Variants in SLC13A1 observed in about 807,000 individuals in gnomAD.
SLC13A1 encodes the protein solute carrier family 13 member 1.
In SLC13A1, 65 loss-of-function variants were observed where a neutral mutation model predicts 70.0. The ratio of observed to expected loss-of-function variants is 0.93; its 90% confidence interval spans 0.76 to 1.14. The LOEUF (loss-of-function observed/expected upper bound fraction) is 1.14. Ranked by LOEUF, SLC13A1 falls within the 50% of genes most tolerant of loss-of-function variation. The probability of loss-of-function intolerance (pLI) is 0.00; values close to 1 mark genes in which losing one functional copy is unlikely to be tolerated. For missense variants in SLC13A1, 726 were observed against 717.8 expected, an observed-to-expected ratio of 1.01 and a Z score of -0.13; for synonymous variants, 275 against 250.5, an observed-to-expected ratio of 1.10 and a Z score of -0.92.
At chr7:123,143,594 A>G (rs1437175409) in intron 7 of SLC13A1, among the ~76,000 whole-genome samples, 2 of 152,150 alleles carry the variant, frequency 1.3e-5, no homozygotes, top group East Asian at 1.9e-4. Context: ...TGCCACTGCC[A>G]GGGAATGAGG....
intron 7 of SLC13A1, among the ~76,000 whole-genome samples, chr7:123,135,349 C>A (rs1260442993): frequency 6.6e-6 from 1 of 151,970 alleles, no homozygotes. Flanking sequence ...TAAATAAATT[C>A]TTATATAGTC....
At chr7:123,178,033 C>CTCTCTCTCTCTCTATATATATATATA (rs761704605) in intron 2 of SLC13A1, among the ~76,000 whole-genome samples, 10 of 150,040 alleles carry the variant, frequency 6.7e-5, no homozygotes, top group African/African-American at 2.5e-4. Flanking sequence ...CTCTCTCTCT[C>CTCTCTCTCTCTCTATATATATATATA]TATATATATA....
chr7:123,180,554 T>C (rs952975920), intron 2 of SLC13A1, among the ~76,000 whole-genome samples: 8 of 152,170 alleles, frequency 5.3e-5, no homozygotes, highest in South Asian at 2.1e-4. Context: ...AGTTTGGCTT[T>C]ATCTTTTGAA....
chr7:123,130,367 T>A (rs182232867), intron 8 of SLC13A1, among the ~76,000 whole-genome samples: 1 of 152,334 alleles, frequency 6.6e-6, no homozygotes, highest in Non-Finnish European at 1.5e-5. Context: ...ATATACACTA[T>A]GGAATACTAT....
At chr7:123,198,624 T>C (rs2116704065) in intron 1 of SLC13A1, among the ~76,000 whole-genome samples, 1 of 152,182 alleles carries the variant, frequency 6.6e-6, no homozygotes, top group Admixed American at 6.5e-5. Flanking sequence ...GCCTTGACAG[T>C]GTCCAAAAGG....
intron 1 of SLC13A1, among the ~76,000 whole-genome samples, chr7:123,194,146 G>A (rs1796092855): frequency 6.6e-6 from 1 of 152,064 alleles, no homozygotes; most frequent in Admixed American, 6.6e-5. Context: ...CAAAGATAAA[G>A]CAAAACGGAA....
chr7:123,121,724 T>C (rs1793387959), intron 12 of SLC13A1, among the ~76,000 whole-genome samples: 1 of 152,150 alleles, frequency 6.6e-6, no homozygotes, highest in Non-Finnish European at 1.5e-5. Flanking sequence ...AGAAAAGTAA[T>C]TGCAATGAGG....
rs776382533 is a variant in SLC13A1, at chr7:123,115,508, T to A, written c.*10A>T. ...AAATTACCGCAAGATAGTCAGAAAT[T>A]TTGTGCTTATTATGGCATGGTCTCA... On this transcript the variant is annotated 3_prime_UTR_variant, in exon 15 of 15. Transcript: ENST00000194130. 1 of 1,603,598 alleles carries A rather than the reference T, an allele frequency of 6.2e-7. No homozygotes were observed. Among genetic ancestry groups the A allele is most frequent in the Admixed American group, 1.7e-5 (1 of 59,114 alleles).
intron 1 of SLC13A1, among the ~76,000 whole-genome samples, chr7:123,181,488 G>A (rs1003059751): frequency 6.6e-6 from 1 of 152,082 alleles, no homozygotes; most frequent in Non-Finnish European, 1.5e-5. Flanking sequence ...TCCCCTGGGG[G>A]CAGGATACCT....
At chr7:123,181,556 C>T (rs1249038526) in intron 1 of SLC13A1, among the ~76,000 whole-genome samples, 1 of 152,122 alleles carries the variant, frequency 6.6e-6, no homozygotes, top group Non-Finnish European at 1.5e-5. Context: ...CTCCTGCCTT[C>T]CTCTCCTTCT....
At chr7:123,139,072 T>C (rs1041544251) in intron 7 of SLC13A1, among the ~76,000 whole-genome samples, 9 of 152,078 alleles carry the variant, frequency 5.9e-5, no homozygotes, top group Admixed American at 2.0e-4. Flanking sequence ...GTGTTTAATT[T>C]ATTTTGATTT....
rs139273158 is a variant in SLC13A1 at position 123,151,863 on chromosome 7, C to G, written c.661-4553G>C. Among the ~76,000 whole-genome samples, 1,049 of 152,158 alleles carry G rather than the reference C, an allele frequency of 6.9e-3. 7 individuals carry two copies. Among genetic ancestry groups the G allele is most frequent in the Admixed American group, 8.5e-3 (129 of 15,252 alleles). On this transcript the variant is annotated intron_variant, in intron 6 of 14. Coordinates refer to ENST00000194130, the MANE Select transcript of SLC13A1 (RefSeq NM_022444.4). ...GTATCTACTGAAATATGCCTGGACT[C>G]TGTTCAATTTTCTCCACCTCCACTG...
At chr7:123,162,512 T>C (rs1794949750) in intron 6 of SLC13A1, among the ~76,000 whole-genome samples, 1 of 152,084 alleles carries the variant, frequency 6.6e-6, no homozygotes, top group Non-Finnish European at 1.5e-5. Context: ...AAACCCTAGG[T>C]TGAGTCAGGT....
At chr7:123,116,385 A>G (rs1793181774) in intron 14 of SLC13A1, among the ~76,000 whole-genome samples, 1 of 152,228 alleles carries the variant, frequency 6.6e-6, no homozygotes, top group African/African-American at 2.4e-5. Flanking sequence ...TCATGATACA[A>G]TGGCAGAGTT....
At chr7:123,187,680 C>T (rs1250870166) in intron 1 of SLC13A1, among the ~76,000 whole-genome samples, 1 of 152,156 alleles carries the variant, frequency 6.6e-6, no homozygotes, top group East Asian at 1.9e-4. Flanking sequence ...CTCTATATGT[C>T]ACTTTGCAAC....
chr7:123,180,295 G>A (rs1185771019), intron 2 of SLC13A1, among the ~76,000 whole-genome samples: 1 of 152,166 alleles, frequency 6.6e-6, no homozygotes, highest in East Asian at 1.9e-4. Flanking sequence ...GACCCAGGCA[G>A]AAGATAGAAG....
intron 1 of SLC13A1, among the ~76,000 whole-genome samples, chr7:123,181,525 T>C (rs1397363208): frequency 6.6e-6 from 1 of 152,058 alleles, no homozygotes; most frequent in Non-Finnish European, 1.5e-5. Flanking sequence ...CCTTGGTGCC[T>C]GGTTGAGTGG....
chr7:123,190,758 C>T (rs760268667), intron 1 of SLC13A1: 5 of 397,178 alleles, frequency 1.3e-5, no homozygotes, highest in African/African-American at 2.1e-5. Flanking sequence ...GGAGAAGTTG[C>T]CCCTGGGGAA....
At chr7:123,126,795 G>T (rs1056041369) in intron 10 of SLC13A1, among the ~76,000 whole-genome samples, 5 of 151,778 alleles carry the variant, frequency 3.3e-5, no homozygotes, top group African/African-American at 4.8e-5. Context: ...TTTTATTTCA[G>T]TTATAATTTT....
Sources: allele counts gnomAD v4.1 joint callset (sites outside exome capture counted in the v4.1 genomes callset), GRCh38; gene constraint gnomAD v4.1.1; transcripts MANE v1.5; gene names NCBI Gene and HGNC (gene_info 2026-07-23, HGNC 2026-07-21).